RUNDC3B: variants seen among roughly 807,000 people sequenced by gnomAD.
The protein encoded by RUNDC3B is RUN domain-containing protein 3B.
Under a neutral mutation model 58.4 loss-of-function variants are expected in RUNDC3B, and 33 were observed. The observed-to-expected ratio is 0.56, with a 90% CI of 0.43 to 0.75. The LOEUF (loss-of-function observed/expected upper bound fraction) is 0.75, where lower values mean the gene tolerates loss of function less well. Among genes scored for constraint, RUNDC3B ranks in the 30% least tolerant of loss-of-function variants. RUNDC3B has a pLI of 0.00. For synonymous variants in RUNDC3B, 193 were observed against 195.2 expected (o/e 0.99, Z 0.10); for missense variants, 501 against 535.7 (o/e 0.94, Z 0.64).
At chr7:87,804,045 TA>T (rs1432068731) in intron 8 of RUNDC3B, among the ~76,000 whole-genome samples, 4 of 152,242 alleles carry the variant, frequency 2.6e-5, no homozygotes, top group African/African-American at 9.6e-5. Context: ...CATAAAACAT[TA>T]AAATATTTAA....
chr7:87,679,950 A>C (rs1302442330), intron 2 of RUNDC3B, among the ~76,000 whole-genome samples: 7 of 150,494 alleles, frequency 4.7e-5, no homozygotes. Flanking sequence ...TATACTTTAC[A>C]TGTGCCATGG....
At chr7:87,645,360 AG>A (rs1822900466) in intron 1 of RUNDC3B, among the ~76,000 whole-genome samples, 1 of 152,132 alleles carries the variant, frequency 6.6e-6, no homozygotes, top group Admixed American at 6.5e-5. Flanking sequence ...CAGGTATTAC[AG>A]GGTTGAGCCA....
At chr7:87,750,323 A>G (rs1162895789) in intron 6 of RUNDC3B, among the ~76,000 whole-genome samples, 6 of 151,426 alleles carry the variant, frequency 4.0e-5, no homozygotes, top group African/African-American at 9.7e-5. Context: ...ATTGTGAATA[A>G]TGCCGCAATA....
intron 3 of RUNDC3B, among the ~76,000 whole-genome samples, chr7:87,706,347 G>A (rs1829584965): frequency 6.6e-6 from 1 of 152,040 alleles, no homozygotes; most frequent in South Asian, 2.1e-4. Context: ...TCAGCTTGGT[G>A]CTGTAGGGAT....
chr7:87,629,528 A>T (rs1005045108), intron 1 of RUNDC3B, among the ~76,000 whole-genome samples: 1 of 152,136 alleles, frequency 6.6e-6, no homozygotes, highest in Non-Finnish European at 1.5e-5. Flanking sequence ...TGTGGAGGAT[A>T]CCTAGTCTTT....
chr7:87,786,545 G>C (rs1469642982), intron 8 of RUNDC3B, among the ~76,000 whole-genome samples: 1 of 151,522 alleles, frequency 6.6e-6, no homozygotes, highest in Non-Finnish European at 1.5e-5. Context: ...CCAAACAGTA[G>C]AGATTTCTGG....
chr7:87,647,073 T>G (rs1240202674), intron 1 of RUNDC3B, among the ~76,000 whole-genome samples: 1 of 152,226 alleles, frequency 6.6e-6, no homozygotes, highest in Non-Finnish European at 1.5e-5. Context: ...CTGAAAATTA[T>G]TTGAGTGATT....
intron 2 of RUNDC3B, among the ~76,000 whole-genome samples, chr7:87,671,202 A>T (rs1361717530): frequency 6.6e-6 from 1 of 152,152 alleles, no homozygotes; most frequent in Admixed American, 6.5e-5. Context: ...TGGGAGACGT[A>T]CTGGCCTCCT....
At chr7:87,683,463 C>G (rs1563130878) in intron 2 of RUNDC3B, among the ~76,000 whole-genome samples, 1 of 152,150 alleles carries the variant, frequency 6.6e-6, no homozygotes, top group Non-Finnish European at 1.5e-5. Flanking sequence ...ATATATGCCA[C>G]TCTTCACTTA....
At chr7:87,637,026 TC>T (rs936336098) in intron 1 of RUNDC3B, among the ~76,000 whole-genome samples, 4 of 152,124 alleles carry the variant, frequency 2.6e-5, no homozygotes, top group Non-Finnish European at 4.4e-5. Context: ...TATAAAACCA[TC>T]AGCTCTCGTG....
intron 3 of RUNDC3B, among the ~76,000 whole-genome samples, chr7:87,701,218 TATAAAC>T (rs1338447334): frequency 6.6e-6 from 1 of 152,222 alleles, no homozygotes; most frequent in African/African-American, 2.4e-5. Context: ...AAGAAAAACT[TATAAAC>T]ATAATTTTTT....
intron 8 of RUNDC3B, among the ~76,000 whole-genome samples, chr7:87,807,037 G>T (rs1836473005): frequency 6.6e-6 from 1 of 151,778 alleles, no homozygotes; most frequent in African/African-American, 2.4e-5. Flanking sequence ...ATTTTAATTG[G>T]CTTGATAACC....
intron 7 of RUNDC3B, among the ~76,000 whole-genome samples, chr7:87,773,259 C>T (rs887292954): frequency 1.4e-5 from 2 of 147,826 alleles, no homozygotes; most frequent in Admixed American, 1.4e-4. Flanking sequence ...CGAGGCGGAG[C>T]TTGCAGTGAG....
chr7:87,791,294 A>C (rs1278293493), intron 8 of RUNDC3B, among the ~76,000 whole-genome samples: 1 of 152,158 alleles, frequency 6.6e-6, no homozygotes, highest in Non-Finnish European at 1.5e-5. Context: ...AAGCTGAGGG[A>C]TTTCATCAAC....
rs143279626 is a variant in RUNDC3B, at chr7:87,681,114, A to G, written c.239-19307A>G. 2.0e-5 allele frequency among the ~76,000 whole-genome samples: 3 copies of G among 150,704 alleles called. 1 individual carries two copies. In the East Asian group the frequency reaches 6.0e-4, roughly 30 times the overall value. ...AGGAAATGGGCCAATTTCTTGAAAG[A>G]CAAATCCTAACAAAACTCATAAAGA... On this transcript the variant is annotated intron_variant, in intron 2 of 10. Transcript: ENST00000394654.
intron 1 of RUNDC3B, among the ~76,000 whole-genome samples, chr7:87,629,518 T>C (rs1820984918): frequency 6.6e-6 from 1 of 152,214 alleles, no homozygotes; most frequent in Non-Finnish European, 1.5e-5. Flanking sequence ...AGAGTGGGAC[T>C]GTGGAGGATA....
intron 1 of RUNDC3B, among the ~76,000 whole-genome samples, chr7:87,640,067 C>G (rs1319880172): frequency 6.7e-6 from 1 of 150,100 alleles, no homozygotes; most frequent in African/African-American, 2.4e-5. Flanking sequence ...ATATATATTT[C>G]TATTCTTTTG....
intron 7 of RUNDC3B, among the ~76,000 whole-genome samples, chr7:87,771,333 G>A (rs910491510): frequency 7.3e-5 from 11 of 151,666 alleles, no homozygotes; most frequent in East Asian, 3.9e-4. Flanking sequence ...AATGCAGTGG[G>A]GAAATTGTCA....
At chr7:87,785,401 G>A (rs1352140760) in intron 8 of RUNDC3B, among the ~76,000 whole-genome samples, 1 of 152,148 alleles carries the variant, frequency 6.6e-6, no homozygotes, top group African/African-American at 2.4e-5. Flanking sequence ...CACTAGAGCT[G>A]TAACCACAGA....
Sources: gnomAD v4.1 joint callset for allele counts (sites outside exome capture counted in the v4.1 genomes callset) on GRCh38, gnomAD v4.1.1 for gene constraint, MANE v1.5 for transcripts, NCBI Gene and HGNC (gene_info 2026-07-23, HGNC 2026-07-21) for gene names.